Variants in CSMD3 observed in about 807,000 individuals in gnomAD.
CSMD3 encodes CUB and Sushi multiple domains 3.
CSMD3 carries 177 observed loss-of-function variants against 435.2 expected under a neutral mutation model. The observed-to-expected ratio is 0.41, with a 90% CI of 0.36 to 0.46. CSMD3 has a LOEUF of 0.46. CSMD3 is among the 20% of genes least tolerant of loss of function. The probability of loss-of-function intolerance (pLI) is 0.34; values close to 1 mark genes in which losing one functional copy is unlikely to be tolerated. For synonymous variants in CSMD3, 1,656 were observed against 1,520.5 expected, an observed-to-expected ratio of 1.09 and a Z score of -2.07; for missense variants, 4,265 against 4,504.6, an observed-to-expected ratio of 0.95 and a Z score of 1.52.
At chr8:112,628,948 TTAAG>T (rs569884059) in intron 22 of CSMD3, among the ~76,000 whole-genome samples, 363 of 152,224 alleles carry the variant, frequency 2.4e-3, no homozygotes, top group Non-Finnish European at 4.4e-3. Flanking sequence ...ATGAAAGATT[TTAAG>T]TAAGAGAGTA....
chr8:112,300,270 AAAT>A (rs1054464864), intron 53 of CSMD3, among the ~76,000 whole-genome samples: 2 of 142,538 alleles, frequency 1.4e-5, no homozygotes, highest in African/African-American at 5.5e-5. Context: ...GAGTATGTAT[AAAT>A]ATATATTTCT....
chr8:112,592,735 G>A (rs1280725440), intron 22 of CSMD3, among the ~76,000 whole-genome samples: 1 of 151,878 alleles, frequency 6.6e-6, no homozygotes, highest in African/African-American at 2.4e-5. Flanking sequence ...AGCTACTGAA[G>A]GTCTACTGTG....
chr8:113,306,110 C>T (rs1270543885), intron 2 of CSMD3, among the ~76,000 whole-genome samples: 1 of 152,000 alleles, frequency 6.6e-6, no homozygotes, highest in Non-Finnish European at 1.5e-5. Context: ...AATAACAAAA[C>T]TCTAGTATTG....
intron 36 of CSMD3, among the ~76,000 whole-genome samples, chr8:112,385,936 A>G (rs1829906208): frequency 6.6e-6 from 1 of 152,090 alleles, no homozygotes; most frequent in South Asian, 2.1e-4. Flanking sequence ...ACCTCTAAAT[A>G]CTACCGTATA....
chr8:113,235,599 T>G lies in CSMD3; in HGVS notation c.514+42993A>C, dbSNP rs542863326. The stretch of plus-strand genomic sequence containing the variant: ...TGATGGTTAATTTTAGGTGCAAACT[T>G]GATTGGATTAAGGAAGACAGAGAGA... On this transcript the variant is annotated intron_variant, in intron 3 of 70. Transcript: ENST00000297405. Among the ~76,000 whole-genome samples, 4 of 152,162 alleles carry G rather than the reference T, an allele frequency of 2.6e-5. No individual in the cohort carries two copies. The East Asian group carries it at 7.7e-4, about 29-fold the overall frequency.
intron 4 of CSMD3, among the ~76,000 whole-genome samples, chr8:113,142,075 G>A (rs2091562696): frequency 6.6e-6 from 1 of 151,038 alleles, no homozygotes. Flanking sequence ...AACTAGTACA[G>A]GAACTGTATC....
At chr8:112,320,633 T>C (rs1822906240) in intron 45 of CSMD3, among the ~76,000 whole-genome samples, 1 of 133,586 alleles carries the variant, frequency 7.5e-6, no homozygotes, top group Non-Finnish European at 1.6e-5. Context: ...ATGCTATCCC[T>C]CCCCCCTCCC....
intron 38 of CSMD3, among the ~76,000 whole-genome samples, chr8:112,357,905 C>A (rs1302870865): frequency 6.6e-6 from 1 of 152,270 alleles, no homozygotes; most frequent in Non-Finnish European, 1.5e-5. Context: ...TGGGGCACTG[C>A]CTAGTGGAGC....
chr8:112,741,498 C>T (rs948490651), intron 13 of CSMD3, among the ~76,000 whole-genome samples: 1 of 151,670 alleles, frequency 6.6e-6, no homozygotes, highest in African/African-American at 2.4e-5. Context: ...AAACTGGAAC[C>T]CTTGTACATT....
chr8:113,050,740 G>C (rs1037850961), intron 5 of CSMD3, among the ~76,000 whole-genome samples: 1 of 151,992 alleles, frequency 6.6e-6, no homozygotes, highest in Non-Finnish European at 1.5e-5. Flanking sequence ...TCTGATTGTT[G>C]TTGTCTAACT....
intron 3 of CSMD3, among the ~76,000 whole-genome samples, chr8:113,269,003 A>G (rs998007973): frequency 1.3e-5 from 2 of 152,174 alleles, no homozygotes; most frequent in Non-Finnish European, 1.5e-5. Context: ...TCCTTTTACT[A>G]CAATTAATGC....
intron 22 of CSMD3, among the ~76,000 whole-genome samples, chr8:112,603,766 C>T (rs1368556659): frequency 6.6e-6 from 1 of 151,944 alleles, no homozygotes; most frequent in Admixed American, 6.6e-5. Context: ...CACAAATCTC[C>T]AAAAAGTTTT....
chr8:113,179,842 CTA>C, intron 3 of CSMD3, among the ~76,000 whole-genome samples: 1 of 151,528 alleles, frequency 6.6e-6, no homozygotes. Flanking sequence ...GTGATTAATA[CTA>C]ATAAACATGT....
At chr8:112,522,773 C>G (rs1197151151) in intron 27 of CSMD3, among the ~76,000 whole-genome samples, 1 of 151,876 alleles carries the variant, frequency 6.6e-6, no homozygotes, top group East Asian at 1.9e-4. Context: ...GCTCTAACTA[C>G]TGCAAAATAT....
chr8:112,257,361 T>C (rs1815908414), intron 61 of CSMD3, among the ~76,000 whole-genome samples: 1 of 152,208 alleles, frequency 6.6e-6, no homozygotes, highest in Non-Finnish European at 1.5e-5. Context: ...GCAGATGATG[T>C]GATTGTATAT....
intron 13 of CSMD3, among the ~76,000 whole-genome samples, chr8:112,774,470 T>A (rs2078197610): frequency 6.6e-6 from 1 of 152,022 alleles, no homozygotes; most frequent in African/African-American, 2.4e-5. Flanking sequence ...AGCTGCAAAT[T>A]AACAGCTCCA....
intron 3 of CSMD3, among the ~76,000 whole-genome samples, chr8:113,244,877 A>G (rs1234324975): frequency 1.3e-5 from 2 of 151,986 alleles, no homozygotes; most frequent in African/African-American, 4.8e-5. Context: ...TGTTCTATTC[A>G]TTATTAAATA....
Position 113,436,917 on chromosome 8 carries a change from G to T in CSMD3, c.-63C>A. 6.3e-7 allele frequency: 1 copy of T among 1,586,762 alleles called. No individual in the cohort carries two copies. The highest frequency in any genetic ancestry group is 8.6e-7 in the Non-Finnish European group (1 of 1,157,694). On this transcript the variant is annotated 5_prime_UTR_variant, in exon 1 of 71. Transcript: ENST00000297405. ...GCGCAGTGGAGTTGTTGCTGTTGTT[G>T]GTGCGCGGTCACAGCTCGGAGTGAA...
At chr8:113,276,303 A>C (rs1167350714) in intron 3 of CSMD3, among the ~76,000 whole-genome samples, 1 of 152,128 alleles carries the variant, frequency 6.6e-6, no homozygotes, top group Admixed American at 6.6e-5. Context: ...AATCACACGG[A>C]CTTTAAAAGC....
Sources: gnomAD v4.1 joint callset for allele counts (sites outside exome capture counted in the v4.1 genomes callset) on GRCh38, gnomAD v4.1.1 for gene constraint, MANE v1.5 for transcripts, NCBI Gene and HGNC (gene_info 2026-07-23, HGNC 2026-07-21) for gene names.